CPT1A: variants seen among roughly 807,000 people sequenced by gnomAD.
CPT1A encodes carnitine O-palmitoyltransferase 1, liver isoform.
In CPT1A, 64 loss-of-function variants were observed where a neutral mutation model predicts 100.8. That is an observed-to-expected ratio of 0.63 (90% CI 0.52 to 0.78). CPT1A has a LOEUF of 0.78. CPT1A is among the 30% of genes least tolerant of loss of function. The pLI is 0.00. For missense variants in CPT1A, 802 were observed against 1,034.1 expected (o/e 0.78, Z 3.08); for synonymous variants, 363 against 396.0 (o/e 0.92, Z 0.99).
intron 15 of CPT1A, among the ~76,000 whole-genome samples, chr11:68,762,004 G>A (rs1033257737): frequency 1.3e-5 from 2 of 152,116 alleles, no homozygotes; most frequent in Non-Finnish European, 2.9e-5. Flanking sequence ...CACGCTCTGG[G>A]GATCAGCAGA....
intron 4 of CPT1A, among the ~76,000 whole-genome samples, chr11:68,804,833 T>A (rs3019582): frequency 6.6e-6 from 1 of 152,200 alleles, no homozygotes; most frequent in Non-Finnish European, 1.5e-5. Flanking sequence ...GGGAAGCAGT[T>A]TCTTTCCTTC....
intron 15 of CPT1A, 134 bp from the exon 16 acceptor site, chr11:68,761,821 G>T: frequency 9.3e-7 from 1 of 1,078,494 alleles, no homozygotes; most frequent in Non-Finnish European, 1.4e-6. Flanking sequence ...ATGTTGCCCA[G>T]GGTGGTTTCG....
At chr11:68,778,611 A>C (rs1188827273) in intron 12 of CPT1A, among the ~76,000 whole-genome samples, 3 of 151,460 alleles carry the variant, frequency 2.0e-5, no homozygotes, top group Non-Finnish European at 4.4e-5. Flanking sequence ...CAGGAGAATC[A>C]CTTGAACCGG....
intron 10 of CPT1A, among the ~76,000 whole-genome samples, chr11:68,783,306 G>T (rs931666418): frequency 6.7e-6 from 1 of 148,424 alleles, no homozygotes; most frequent in African/African-American, 2.5e-5. Context: ...ACCACCTGAA[G>T]CGGCACCCAG....
intron 14 of CPT1A, among the ~76,000 whole-genome samples, chr11:68,768,702 G>A (rs774821260): frequency 1.3e-5 from 2 of 152,138 alleles, no homozygotes; most frequent in African/African-American, 2.4e-5. Flanking sequence ...CACTGCGCCT[G>A]GCCAGATTTC....
chr11:68,801,225 C>T (rs568397656), intron 5 of CPT1A, among the ~76,000 whole-genome samples: 4 of 152,232 alleles, frequency 2.6e-5, no homozygotes, highest in Non-Finnish European at 5.9e-5. Context: ...CCCCGAGCTA[C>T]GCAACACAGA....
intron 1 of CPT1A, among the ~76,000 whole-genome samples, chr11:68,816,925 GGGTGTGTGTGT>G (rs1856423559): frequency 1.9e-5 from 1 of 52,678 alleles, no homozygotes; most frequent in East Asian, 7.0e-4. Flanking sequence ...GTGTGTGTGT[GGGTGTGTGTGT>G]GGGGTGAGTG....
Position 68,757,877 on chromosome 11 carries a change from C to G in CPT1A, c.2236-147G>C, listed in dbSNP as rs1357919529. On this transcript the variant is annotated intron_variant, in intron 18 of 18. Coordinates refer to ENST00000265641, the MANE Select transcript of CPT1A (RefSeq NM_001876.4). ...ATCTGACCAACGTCTTAAAGCTTAACTTAGACATTCCAGAGAAATGCTGAG... is the reference window on the plus strand; with the variant it reads ...ATCTGACCAACGTCTTAAAGCTTAAGTTAGACATTCCAGAGAAATGCTGAG... 4.1e-6 allele frequency: 3 copies of G among 729,644 alleles called. No individual in the cohort carries two copies. The African/African-American group carries it at 5.2e-5, about 13-fold the overall frequency. 45.2% of individuals were successfully genotyped at this position (729,644 alleles called of 1,614,324 possible).
upstream of CPT1A, among the ~76,000 whole-genome samples, chr11:68,843,746 A>C (rs575049480): frequency 6.6e-6 from 1 of 152,150 alleles, no homozygotes; most frequent in East Asian, 1.9e-4. This position sits in a 1 kb window ranked among gnomAD's most constrained non-coding sequence, Gnocchi z 4.0. Flanking sequence ...CGCAGATTTC[A>C]CCGCCCCAAG....
chr11:68,820,071 C>T (rs1856538087), intron 1 of CPT1A, among the ~76,000 whole-genome samples: 1 of 152,034 alleles, frequency 6.6e-6, no homozygotes, highest in African/African-American at 2.4e-5. Context: ...GCTGTATTGC[C>T]CAGGCTGGAG....
chr11:68,784,323 G>T (rs1855392594), intron 10 of CPT1A, among the ~76,000 whole-genome samples: 1 of 152,204 alleles, frequency 6.6e-6, no homozygotes, highest in African/African-American at 2.4e-5. Context: ...AACTTTGGGA[G>T]GCCAAGGTGG....
chr11:68,782,634 G>T (rs1382487601), intron 10 of CPT1A, among the ~76,000 whole-genome samples: 1 of 152,142 alleles, frequency 6.6e-6, no homozygotes, highest in African/African-American at 2.4e-5. Context: ...CACCAGCTGG[G>T]CTTCCTCGAG....
In CPT1A at chr11:68,841,862, G is replaced by A; in HGVS notation, c.-101C>T. 1.0e-6 allele frequency: 1 copy of A among 992,814 alleles called. No homozygotes were observed. Among genetic ancestry groups the A allele is most frequent in the Non-Finnish European group, 1.2e-6 (1 of 836,570 alleles). The allele number at this position is 992,814 out of a possible 1,614,324, so 61.5% of individuals were successfully genotyped here. On this transcript the variant is annotated 5_prime_UTR_variant, in exon 1 of 19. Transcript: ENST00000265641. The surrounding 1 kb of genome is among the most constrained non-coding windows in gnomAD (Gnocchi z 6.3). ...GTGAACGAGCGGCGAGCGGGAGCCG[G>A]GGAAGGAGGGCCGCGGGCGAGGCCG...
At chr11:68,815,282 T>C in intron 2 of CPT1A, 52 bp downstream of exon 2, 4 of 1,587,070 alleles carry the variant, frequency 2.5e-6, no homozygotes, top group Non-Finnish European at 3.5e-6. Context: ...CAGAGCCCCG[T>C]TCTTAGATAT....
intron 1 of CPT1A, among the ~76,000 whole-genome samples, chr11:68,827,827 C>T (rs1319544222): frequency 1.3e-5 from 2 of 152,172 alleles, no homozygotes; most frequent in Non-Finnish European, 2.9e-5. Flanking sequence ...TGTGCGCGGT[C>T]CTGCAACTTG....
At chr11:68,827,696 A>G (rs1255653253) in intron 1 of CPT1A, among the ~76,000 whole-genome samples, 1 of 151,970 alleles carries the variant, frequency 6.6e-6, no homozygotes, top group South Asian at 2.1e-4. Flanking sequence ...GATGCAATAG[A>G]TACAACCTCC....
intron 13 of CPT1A, chr11:68,773,946 T>C (rs1270819008): frequency 5.0e-6 from 1 of 201,842 alleles, no homozygotes. Flanking sequence ...ACACCTCAAG[T>C]GAGCATGCGC....
At chr11:68,767,480 C>T in intron 14 of CPT1A, among the ~76,000 whole-genome samples, 1 of 152,164 alleles carries the variant, frequency 6.6e-6, no homozygotes, top group Non-Finnish European at 1.5e-5. Context: ...TCCCAGCTAC[C>T]TGGGAGACTG....
At chr11:68,780,400 C>G (rs1231557995) in intron 12 of CPT1A, among the ~76,000 whole-genome samples, 1 of 152,250 alleles carries the variant, frequency 6.6e-6, no homozygotes, top group Non-Finnish European at 1.5e-5. Context: ...TCTTCTGCCT[C>G]AGCCTCCCAA....
Sources: allele counts gnomAD v4.1 joint callset (sites outside exome capture counted in the v4.1 genomes callset), GRCh38; gene constraint gnomAD v4.1.1; non-coding constraint Gnocchi (gnomAD v3.1); transcripts MANE v1.5; gene names NCBI Gene and HGNC (gene_info 2026-07-23, HGNC 2026-07-21).